The following TMEM120B variants were observed in gnomAD, a reference collection of about 807,000 sequenced individuals.
The protein encoded by TMEM120B is transmembrane protein 120B.
A neutral mutation model predicts 55.5 loss-of-function variants in TMEM120B; 31 were observed. The observed-to-expected ratio is 0.56, with a 90% CI of 0.42 to 0.75. The LOEUF (loss-of-function observed/expected upper bound fraction) is 0.75, where lower values mean the gene tolerates loss of function less well. Among genes scored for constraint, TMEM120B ranks in the 30% least tolerant of loss-of-function variants. The pLI, the probability that TMEM120B is intolerant of heterozygous loss-of-function variation, is 0.00. For synonymous variants in TMEM120B, 203 were observed against 176.3 expected, an observed-to-expected ratio of 1.15 and a Z score of -1.20; for missense variants, 399 against 425.5, an observed-to-expected ratio of 0.94 and a Z score of 0.55.
chr12:121,761,730 C>G lies in TMEM120B; in HGVS notation c.543C>G (p.Asn181Lys). The G allele has an allele frequency of 6.2e-7, 1 of 1,613,422 alleles. No individual in the cohort carries two copies. Among genetic ancestry groups the G allele is most frequent in the Non-Finnish European group, 8.5e-7 (1 of 1,179,506 alleles). The change falls in exon 6 of 12, where the codon AAC becomes AAG. Residue 181 changes from asparagine to lysine, a missense_variant. Asn to Lys is a moderately conservative substitution (Grantham distance 94). Transcript: ENST00000449592. ...TTCGGGAGAGCATTCTCATCAGCAACGGCTCAAGGTACCTGGGCACCTGGC... is the reference window on the plus strand; with the variant it reads ...TTCGGGAGAGCATTCTCATCAGCAAGGGCTCAAGGTACCTGGGCACCTGGC... Reference protein sequence around the residue: ...LTIRESILISNGSRIKGWWVS... With the variant: ...LTIRESILISKGSRIKGWWVS...
intron 5 of TMEM120B, among the ~76,000 whole-genome samples, chr12:121,755,905 C>CCAG (rs1873462737): frequency 6.6e-6 from 1 of 152,104 alleles, no homozygotes; most frequent in Admixed American, 6.6e-5. Context: ...GCACCTTGCA[C>CCAG]CAGCAGAGTA....
chr12:121,722,393 G>A (rs1362445082), intron 1 of TMEM120B, among the ~76,000 whole-genome samples: 2 of 152,100 alleles, frequency 1.3e-5, no homozygotes, highest in South Asian at 2.1e-4. Context: ...CACTGTGCCC[G>A]GCCTCCATTC....
intron 9 of TMEM120B, among the ~76,000 whole-genome samples, chr12:121,773,837 T>G (rs1005156045): frequency 1.3e-5 from 2 of 151,906 alleles, no homozygotes; most frequent in Admixed American, 6.6e-5. Context: ...TATAAATGCA[T>G]GTACACGGGG....
chr12:121,769,715 C>CGTGTGT (rs63639861), intron 6 of TMEM120B, among the ~76,000 whole-genome samples: 1,830 of 148,312 alleles, frequency 0.012, 13 homozygotes, highest in African/African-American at 0.014. Context: ...AAAGAGAAAA[C>CGTGTGT]GTGTGTGTGT....
chr12:121,770,307 CAG>C (rs1381440718), intron 6 of TMEM120B, among the ~76,000 whole-genome samples: 29 of 152,228 alleles, frequency 1.9e-4, no homozygotes, highest in African/African-American at 7.0e-4. Context: ...CCCCTTCTTG[CAG>C]AGACACCAGT....
In TMEM120B at chr12:121,729,665, G is replaced by A. The variant is rs117709981; in HGVS notation, c.70-13964G>A. On this transcript the variant is annotated intron_variant, in intron 1 of 11. Transcript: ENST00000449592. ...AAAAAAAAAAAAAAGCTGACAGGGT[G>A]GCACATGCCTGTAGTTCTAGCTACT... Among the ~76,000 whole-genome samples the A allele has an allele frequency of 1.5e-3, 221 of 152,078 alleles. 1 individual carries two copies. The East Asian group carries it at 0.039, about 26-fold the overall frequency.
At chr12:121,768,016 C>T (rs1407016101) in intron 6 of TMEM120B, among the ~76,000 whole-genome samples, 3 of 152,118 alleles carry the variant, frequency 2.0e-5, no homozygotes, top group African/African-American at 7.2e-5. Context: ...TGCAGAGAGA[C>T]CTCCTGGTTG....
intron 6 of TMEM120B, among the ~76,000 whole-genome samples, chr12:121,770,589 G>T (rs548536009): frequency 1.3e-5 from 2 of 151,804 alleles, no homozygotes; most frequent in Non-Finnish European, 2.9e-5. Flanking sequence ...GAGCGCCCGC[G>T]TGCTGGGGAG....
At chr12:121,774,471 G>GT (rs1328433825) in intron 9 of TMEM120B, among the ~76,000 whole-genome samples, 187 bp from the exon 10 acceptor site, 1 of 152,210 alleles carries the variant, frequency 6.6e-6, no homozygotes, top group African/African-American at 2.4e-5. Context: ...GTCAGGCCAG[G>GT]TGACAGGGTT....
In TMEM120B at chr12:121,770,800, G is replaced by A. The variant is rs151285935; in HGVS notation, c.552-107G>A. The stretch of plus-strand genomic sequence containing the variant: ...AGTCTGTTTCTTACTCCAAGAAGCC[G>A]TCTCTGAGTGCAGAGTAACCCCTGC... On this transcript the variant is annotated intron_variant, in intron 6 of 11. Transcript: ENST00000449592. The A allele has an allele frequency of 3.7e-3, 3,717 of 1,010,096 alleles. 9 individuals are homozygous for A. Among genetic ancestry groups the A allele is most frequent in the Non-Finnish European group, 4.9e-3 (3,168 of 645,920 alleles). 62.6% of individuals were successfully genotyped at this position (1,010,096 alleles called of 1,614,324 possible). A position where few individuals can be genotyped will look rare whatever the true frequency, so the allele number is the denominator to read the frequency against.
intron 2 of TMEM120B, among the ~76,000 whole-genome samples, chr12:121,746,751 G>A (rs1488895853): frequency 2.6e-5 from 4 of 151,988 alleles, no homozygotes; most frequent in Admixed American, 1.3e-4. Context: ...TCAGGAGATC[G>A]AGACCATCCT....
At chr12:121,743,780 G>A (rs1592934212) in intron 2 of TMEM120B, 33 bp downstream of exon 2, 10 of 1,500,356 alleles carry the variant, frequency 6.7e-6, no homozygotes, top group Middle Eastern at 2.1e-4. Context: ...GGCTGCCCTG[G>A]TTCTGAGGGA....
In TMEM120B at chr12:121,775,119, A is replaced by G. The variant is rs1874192667; in HGVS notation, c.895A>G (p.Arg299Gly). ...TGAGCTCTCCAGCCACGAGGAATGC[A>G]GAGAATGGCAGGTATGGGGGGTGGG... is the stretch of plus-strand genomic sequence containing the variant. ...LFELSSHEECREWQVFVLAFT... is the reference protein window; with the variant it reads ...LFELSSHEECGEWQVFVLAFT... The change falls in exon 11 of 12, where the codon AGA becomes GGA. Residue 299 changes from arginine to glycine, a missense_variant. Arg to Gly is a moderately radical substitution (Grantham distance 125, BLOSUM62 -2). Transcript: ENST00000449592. This position sits in a 1 kb window ranked among gnomAD's most constrained non-coding sequence, Gnocchi z 4.3. 7.6e-7 allele frequency: 1 copy of G among 1,317,892 alleles called. No homozygotes were observed. The highest frequency in any genetic ancestry group is 1.7e-5 in the African/African-American group (1 of 59,062). The allele number at this position is 1,317,892 out of a possible 1,614,324, so 81.6% of individuals were successfully genotyped here. A position where few individuals can be genotyped will look rare whatever the true frequency, so the allele number is the denominator to read the frequency against.
rs536641531 is a variant in TMEM120B, at chr12:121,779,220, G to A, written c.*3498G>A. 3.0e-5 allele frequency: 15 copies of A among 492,950 alleles called. No individual in the cohort carries two copies. The highest frequency in any genetic ancestry group is 1.8e-4 in the South Asian group (7 of 39,250). 30.5% of individuals were successfully genotyped at this position (492,950 alleles called of 1,614,324 possible). A position where few individuals can be genotyped will look rare whatever the true frequency, so the allele number is the denominator to read the frequency against. On this transcript the variant is annotated 3_prime_UTR_variant, in exon 12 of 12. Transcript: ENST00000449592. Reference sequence around the variant, plus strand: ...TTGAGTCTGCACTGGGGAGACACTCGTGGTGGGGGTGGCTGTGATGAGGGC... The same window carrying A: ...TTGAGTCTGCACTGGGGAGACACTCATGGTGGGGGTGGCTGTGATGAGGGC...
At chr12:121,729,447 CA>C (rs2093698993) in intron 1 of TMEM120B, among the ~76,000 whole-genome samples, 1 of 152,116 alleles carries the variant, frequency 6.6e-6, no homozygotes, top group Non-Finnish European at 1.5e-5. Context: ...GGCAGTTCCT[CA>C]AAAAATTAAA....
At chr12:121,745,010 C>T (rs1107242) in intron 2 of TMEM120B, among the ~76,000 whole-genome samples, 94 of 152,228 alleles carry the variant, frequency 6.2e-4, no homozygotes, top group African/African-American at 2.1e-3. Context: ...ATGGCGAACC[C>T]CAGCACTATT....
intron 6 of TMEM120B, among the ~76,000 whole-genome samples, chr12:121,769,899 G>A (rs73411789): frequency 6.6e-6 from 1 of 152,266 alleles, no homozygotes; most frequent in Admixed American, 6.5e-5. Context: ...ATTGCAGACA[G>A]TGATCCATGC....
Position 121,771,478 on chromosome 12 carries a change from T to C in TMEM120B, c.618-10T>C. 1.2e-6 allele frequency: 2 copies of C among 1,613,630 alleles called. No homozygotes were observed. The highest frequency in any genetic ancestry group is 1.7e-6 in the Non-Finnish European group (2 of 1,179,596). On this transcript the variant is annotated splice_polypyrimidine_tract_variant and intron_variant, in intron 7 of 11. Coordinates refer to ENST00000449592, the MANE Select transcript of TMEM120B (RefSeq NM_001080825.2). ...GGCCCCACCTTTGTTTTTTCCTACC[T>C]TCTCTCCAGGCCTAATGGACCCATT...
chr12:121,758,800 G>T lies in TMEM120B; in HGVS notation c.462-2849G>T, dbSNP rs1242927249. The T allele has an allele frequency of 5.1e-6, 5 of 975,176 alleles. No individual in the cohort carries two copies. In the Admixed American group the frequency reaches 3.3e-4, roughly 64 times the overall value. 60.4% of individuals were successfully genotyped at this position (975,176 alleles called of 1,614,324 possible). On this transcript the variant is annotated intron_variant, in intron 5 of 11. Transcript: ENST00000449592. Reference sequence around the variant, plus strand: ...CCATGGAGGAGGACGGCCTAGCCCCGTGCTGTGGTCACCATGGAGGAGGAC... The same window carrying T: ...CCATGGAGGAGGACGGCCTAGCCCCTTGCTGTGGTCACCATGGAGGAGGAC...
Sources: allele counts gnomAD v4.1 joint callset (sites outside exome capture counted in the v4.1 genomes callset), GRCh38; gene constraint gnomAD v4.1.1; non-coding constraint Gnocchi (gnomAD v3.1); transcripts MANE v1.5; gene names NCBI Gene and HGNC (gene_info 2026-07-23, HGNC 2026-07-21).